The following POLA2 variants were observed in gnomAD, a reference collection of about 807,000 sequenced individuals.
POLA2 encodes the protein DNA polymerase alpha 2, accessory subunit, also known as DNA polymerase alpha subunit B.
POLA2 carries 47 observed loss-of-function variants against 82.8 expected under a neutral mutation model. The observed-to-expected ratio is 0.57, with a 90% CI of 0.45 to 0.72. The LOEUF (loss-of-function observed/expected upper bound fraction) is 0.72. POLA2 is among the 30% of genes least tolerant of loss of function. The pLI is 0.00. For missense variants in POLA2, 634 were observed against 728.1 expected, an observed-to-expected ratio of 0.87 and a Z score of 1.49; for synonymous variants, 287 against 286.8, an observed-to-expected ratio of 1.00 and a Z score of -0.01.
intron 10 of POLA2, among the ~76,000 whole-genome samples, chr11:65,283,588 G>A (rs948186800): frequency 3.3e-5 from 5 of 151,920 alleles, no homozygotes; most frequent in Non-Finnish European, 1.5e-5. Flanking sequence ...TCCTGCCTCA[G>A]CCTCCTAAGT....
At chr11:65,286,412 C>CT (rs900754346) in intron 10 of POLA2, among the ~76,000 whole-genome samples, 16 of 147,168 alleles carry the variant, frequency 1.1e-4, no homozygotes, top group East Asian at 2.0e-4. Context: ...TTTTTTTTTT[C>CT]TTTTTTTTTG....
At chr11:65,285,571 T>G in intron 10 of POLA2, among the ~76,000 whole-genome samples, 1 of 124,926 alleles carries the variant, frequency 8.0e-6, no homozygotes, top group Non-Finnish European at 1.6e-5. Flanking sequence ...TGAGATCCTA[T>G]CTCAAAAAAA....
chr11:65,284,127 CTAGA>C (rs60541542), intron 10 of POLA2, among the ~76,000 whole-genome samples: 16,394 of 143,094 alleles, frequency 0.11, 952 homozygotes, highest in Middle Eastern at 0.21. Context: ...GAGTAAGACA[CTAGA>C]TAGATAGATA....
Position 65,279,593 on chromosome 11 carries a change from T to C in POLA2, c.711T>C (p.Ile237=), listed in dbSNP as rs774668642. 1.2e-6 allele frequency: 2 copies of C among 1,613,654 alleles called. No homozygotes were observed. The highest frequency in any genetic ancestry group is 1.7e-6 in the Non-Finnish European group (2 of 1,179,706). The change falls in exon 7 of 18, where the codon ATT becomes ATC. Residue 237 remains isoleucine (I), a synonymous_variant. Coordinates refer to ENST00000265465, the MANE Select transcript of POLA2 (RefSeq NM_002689.4). ...LGSELKEHYK[I]EAFTPLLAPA... ...GCGAACTCAAGGAACATTACAAGAT[T>C]GAAGCTTTCACTCCTTTGCTAGCCC...
At chr11:65,273,252 G>A (rs1229131845) in intron 4 of POLA2, among the ~76,000 whole-genome samples, 54 of 152,248 alleles carry the variant, frequency 3.5e-4, no homozygotes, top group Admixed American at 3.3e-3. Context: ...CCCAGGAGGC[G>A]GAGGTTACAG....
rs767818552 is a variant in POLA2 at position 65,289,850 on chromosome 11, A to G, written c.1222A>G (p.Thr408Ala). 6.2e-7 allele frequency: 1 copy of G among 1,609,316 alleles called. No individual in the cohort carries two copies. The highest frequency in any genetic ancestry group is 8.5e-7 in the Non-Finnish European group (1 of 1,175,648). Residue 408 changes from threonine to alanine, a missense_variant, in exon 13 of 18, where the codon ACA becomes GCA. Physicochemically the swap from Thr to Ala is moderately conservative, Grantham distance 58. Coordinates refer to ENST00000265465, the MANE Select transcript of POLA2 (RefSeq NM_002689.4). ...FEDIFKQCLR[T>A]IIEGTRSSGS... ...AGACATTTTCAAGCAGTGTCTACGA[A>G]CAATTATTGAAGGCACAAGAAGGTC...
intron 6 of POLA2, 59 bp downstream of exon 6, chr11:65,278,982 G>A: frequency 1.0e-5 from 15 of 1,475,820 alleles, no homozygotes; most frequent in Non-Finnish European, 1.4e-5. Flanking sequence ...AGGGTGTAGA[G>A]TAACAAAGCT....
At chr11:65,297,003 C>G in intron 17 of POLA2, 117 bp from the exon 18 acceptor site, 1 of 997,896 alleles carries the variant, frequency 1.0e-6, no homozygotes, top group Non-Finnish European at 1.5e-6. Flanking sequence ...TGGTTGCCTT[C>G]GTTTCCATTT....
intron 3 of POLA2, 28 bp downstream of exon 3, chr11:65,267,596 A>G: frequency 7.4e-7 from 1 of 1,346,234 alleles, no homozygotes; most frequent in South Asian, 1.2e-5. Flanking sequence ...AGGTCTTTGC[A>G]CCAAGCTACA....
chr11:65,273,869 A>G (rs1949547688), intron 4 of POLA2, among the ~76,000 whole-genome samples: 1 of 152,148 alleles, frequency 6.6e-6, no homozygotes, highest in Non-Finnish European at 1.5e-5. Flanking sequence ...TTCTGAAGAA[A>G]TAATTCAAAT....
chr11:65,274,530 A>AG (rs1225215428), intron 4 of POLA2, among the ~76,000 whole-genome samples: 13 of 151,792 alleles, frequency 8.6e-5, no homozygotes, highest in Non-Finnish European at 1.9e-4. Flanking sequence ...AGATACAAAA[A>AG]TTAGCTGGAT....
Position 65,270,066 on chromosome 11 carries a change from C to T in POLA2, c.354+1337C>T, listed in dbSNP as rs139586070. ...AGGCTGGTCTCGTACTCCTCACCTG[C>T]GGTGATCCACCTGCCTCGGCCTCCA... On this transcript the variant is annotated intron_variant, in intron 4 of 17. Coordinates refer to ENST00000265465, the MANE Select transcript of POLA2 (RefSeq NM_002689.4). 8.7e-4 allele frequency among the ~76,000 whole-genome samples: 132 copies of T among 152,320 alleles called. No individual in the cohort carries two copies. In the East Asian group the frequency reaches 0.015, roughly 18 times the overall value.
At position 65,286,342 on chromosome 11, in the gene POLA2, C is replaced by A. The variant is rs558153154; in HGVS notation, c.1007-1374C>A. 2.4e-4 allele frequency among the ~76,000 whole-genome samples: 36 copies of A among 152,156 alleles called. No homozygotes were observed. In the South Asian group the frequency reaches 7.3e-3, roughly 31 times the overall value. On this transcript the variant is annotated intron_variant, in intron 10 of 17. Coordinates refer to ENST00000265465, the MANE Select transcript of POLA2 (RefSeq NM_002689.4). Reference sequence around the variant, plus strand: ...TCCAGACAGGAGGAACTCAGCCCTGCCCACACCTTCAGTTTAGGATTTTTG... The same window carrying A: ...TCCAGACAGGAGGAACTCAGCCCTGACCACACCTTCAGTTTAGGATTTTTG...
intron 10 of POLA2, among the ~76,000 whole-genome samples, chr11:65,285,160 C>T (rs2137556250): frequency 6.6e-6 from 1 of 152,124 alleles, no homozygotes; most frequent in East Asian, 1.9e-4. Context: ...AATCCCAGCA[C>T]TTTGGGAGGC....
At chr11:65,305,919 T>G (rs1437438550), downstream of POLA2, among the ~76,000 whole-genome samples, 1 of 152,078 alleles carries the variant, frequency 6.6e-6, no homozygotes, top group African/African-American at 2.4e-5. Context: ...CGTGCAGCTG[T>G]GAAAATGAGG....
At chr11:65,288,044 G>A (rs1461882442) in intron 11 of POLA2, among the ~76,000 whole-genome samples, 2 of 152,076 alleles carry the variant, frequency 1.3e-5, no homozygotes, top group Non-Finnish European at 2.9e-5. Flanking sequence ...AGTGGCTCAC[G>A]CCTGTAATCC....
chr11:65,286,679 C>T (rs1949700840), intron 10 of POLA2, among the ~76,000 whole-genome samples: 1 of 152,208 alleles, frequency 6.6e-6, no homozygotes, highest in African/African-American at 2.4e-5. Flanking sequence ...CGTTGAGCCA[C>T]CACACCTGGC....
Position 65,275,971 on chromosome 11 carries a change from T to C in POLA2, c.434T>C (p.Leu145Pro), listed in dbSNP as rs1949574589. Reference sequence around the variant, plus strand: ...GTGTCAACTCGTAGCCCCCATCAGCTACTCTCACCGTCAAGTTTCTCTCCA... The same window carrying C: ...GTGTCAACTCGTAGCCCCCATCAGCCACTCTCACCGTCAAGTTTCTCTCCA... ...RSVSTRSPHQLLSPSSFSPSA... is the reference protein window; with the variant it reads ...RSVSTRSPHQPLSPSSFSPSA... The change falls in exon 5 of 18, where the codon CTA becomes CCA. Residue 145 changes from leucine to proline, a missense_variant. Transcript: ENST00000265465. 1.2e-6 allele frequency: 2 copies of C among 1,604,630 alleles called. No homozygotes were observed. Among genetic ancestry groups the C allele is most frequent in the Non-Finnish European group, 8.5e-7 (1 of 1,175,432 alleles).
Position 65,281,668 on chromosome 11 carries a change from A to AAATTTT in POLA2, c.901-2_901-1insAATTTT. 1 of 1,611,802 alleles carries AAATTTT rather than the reference A, an allele frequency of 6.2e-7. No individual in the cohort carries two copies. On this transcript the variant is annotated splice_acceptor_variant, in intron 8 of 17. Coordinates refer to ENST00000265465, the MANE Select transcript of POLA2 (RefSeq NM_002689.4). LOFTEE classifies it high-confidence loss of function. ...GCAATCCTGTTTGTTTTTGTCTTTC[A>AAATTTT]GGTTGTAATTATGGAAGGAATCAAC...
Sources: allele counts gnomAD v4.1 joint callset (sites outside exome capture counted in the v4.1 genomes callset), GRCh38; gene constraint gnomAD v4.1.1; transcripts MANE v1.5; gene names NCBI Gene and HGNC (gene_info 2026-07-23, HGNC 2026-07-21).